The following ZMIZ1 variants were observed in gnomAD, a reference collection of about 807,000 sequenced individuals.
The protein encoded by ZMIZ1 is zinc finger MIZ-type containing 1.
ZMIZ1 carries 17 observed loss-of-function variants against 113.9 expected under a neutral mutation model. That is an observed-to-expected ratio of 0.15 (90% confidence interval 0.10 to 0.22). The LOEUF is 0.22. Among genes scored for constraint, ZMIZ1 ranks in the 10% least tolerant of loss-of-function variants. The pLI is 1.00. For missense variants in ZMIZ1, 1,059 were observed against 1,477.8 expected (o/e 0.72, Z 4.65); for synonymous variants, 607 against 603.1 (o/e 1.01, Z -0.09).
intron 6 of ZMIZ1, among the ~76,000 whole-genome samples, chr10:79,213,512 G>A (rs1451932661): frequency 1.3e-5 from 2 of 152,216 alleles, no homozygotes; most frequent in Non-Finnish European, 2.9e-5. Context: ...GAGACTCCCT[G>A]CTCCAGCACC....
intron 4 of ZMIZ1, among the ~76,000 whole-genome samples, chr10:79,189,053 A>G (rs1222582026): frequency 6.6e-6 from 1 of 152,202 alleles, no homozygotes; most frequent in East Asian, 1.9e-4. Context: ...TCTTTATTAG[A>G]GATGGTGCCC....
At chr10:79,177,574 A>C (rs1846926492) in intron 4 of ZMIZ1, among the ~76,000 whole-genome samples, 1 of 152,210 alleles carries the variant, frequency 6.6e-6, no homozygotes, top group Non-Finnish European at 1.5e-5. Context: ...AAGGGAAGGC[A>C]GACCCGGACC....
intron 3 of ZMIZ1, among the ~76,000 whole-genome samples, chr10:79,145,307 TC>T (rs1358403345): frequency 8.5e-5 from 13 of 152,130 alleles, no homozygotes; most frequent in Admixed American, 8.5e-4. Flanking sequence ...TCCCTCCTCC[TC>T]CACAGTAGAG....
chr10:79,216,997 C>A (rs932642917), intron 7 of ZMIZ1, among the ~76,000 whole-genome samples: 1 of 152,348 alleles, frequency 6.6e-6, no homozygotes, highest in South Asian at 2.1e-4. Context: ...GCCACAGGCA[C>A]CCTGCTAGCT....
In ZMIZ1 at chr10:79,308,462, G is replaced by T. The variant is rs577817032; in HGVS notation, c.2835+891G>T. On this transcript the variant is annotated intron_variant, in intron 23 of 24. Transcript: ENST00000334512. The stretch of plus-strand genomic sequence containing the variant: ...GCCATCACTGAGCACGTGGCTGGGG[G>T]TCCTGGGCCACACCAGCCAGGGAGA... Among the ~76,000 whole-genome samples, 72 of 152,280 alleles carry T rather than the reference G, an allele frequency of 4.7e-4. 1 individual carries two copies. Among genetic ancestry groups the T allele is most frequent in the South Asian group, 8.3e-4 (4 of 4,830 alleles).
At chr10:79,098,489 C>A (rs183778393) in intron 1 of ZMIZ1, among the ~76,000 whole-genome samples, 1 of 152,272 alleles carries the variant, frequency 6.6e-6, no homozygotes, top group East Asian at 1.9e-4. Flanking sequence ...CCACCTATCT[C>A]GAAGGACTCT....
intron 3 of ZMIZ1, among the ~76,000 whole-genome samples, chr10:79,140,363 TG>T (rs1490501497): frequency 6.6e-6 from 1 of 152,252 alleles, no homozygotes; most frequent in Non-Finnish European, 1.5e-5. Context: ...GGGAAGTTAA[TG>T]GTGCCTGCCA....
chr10:79,270,144 G>C (rs959719752), intron 7 of ZMIZ1, among the ~76,000 whole-genome samples: 13 of 152,220 alleles, frequency 8.5e-5, no homozygotes, highest in African/African-American at 3.1e-4. Flanking sequence ...AGGACCAGCT[G>C]CCCCGGCATC....
chr10:79,212,154 T>G (rs144643177), intron 6 of ZMIZ1, among the ~76,000 whole-genome samples: 9 of 152,072 alleles, frequency 5.9e-5, no homozygotes, highest in African/African-American at 2.2e-4. Flanking sequence ...TTCTTTTTTT[T>G]TTTAATTTTT....
chr10:79,246,169 G>A (rs1242543552), intron 7 of ZMIZ1, among the ~76,000 whole-genome samples: 1 of 152,234 alleles, frequency 6.6e-6, no homozygotes, highest in Non-Finnish European at 1.5e-5. Context: ...CATCCAGCAA[G>A]AGGGTGGCAT....
Position 79,216,277 on chromosome 10 carries a change from A to G in ZMIZ1, c.280+3A>G, listed in dbSNP as rs777858297. On this transcript the variant is annotated splice_donor_region_variant and intron_variant, in intron 7 of 24. Coordinates refer to ENST00000334512, the MANE Select transcript of ZMIZ1 (RefSeq NM_020338.4). Reference sequence around the variant, plus strand: ...CAAGTTCACCCCGAAGTCTGCCGGTAGGTGTCCGTGGGGGACTCTGCGATG... The same window carrying G: ...CAAGTTCACCCCGAAGTCTGCCGGTGGGTGTCCGTGGGGGACTCTGCGATG... The G allele has an allele frequency of 2.5e-6, 4 of 1,587,198 alleles. No homozygotes were observed. The South Asian group carries it at 4.6e-5, about 18-fold the overall frequency.
intron 7 of ZMIZ1, among the ~76,000 whole-genome samples, chr10:79,221,676 G>T (rs1313018440): frequency 6.6e-6 from 1 of 152,230 alleles, no homozygotes; most frequent in Non-Finnish European, 1.5e-5. Context: ...CCATGTCGAG[G>T]TCCCCAAGAG....
At chr10:79,143,661 CATA>C (rs1177424449) in intron 3 of ZMIZ1, among the ~76,000 whole-genome samples, 1 of 152,072 alleles carries the variant, frequency 6.6e-6, no homozygotes, top group Non-Finnish European at 1.5e-5. Context: ...CACCTTCCAG[CATA>C]ACAGTGAGCA....
intron 4 of ZMIZ1, among the ~76,000 whole-genome samples, chr10:79,187,227 A>G (rs1847385926): frequency 6.6e-6 from 1 of 152,250 alleles, no homozygotes; most frequent in Non-Finnish European, 1.5e-5. Flanking sequence ...CATGGAGTCC[A>G]GGGTCTGAGC....
At chr10:79,129,089 G>A (rs1329504164) in intron 2 of ZMIZ1, among the ~76,000 whole-genome samples, 3 of 152,160 alleles carry the variant, frequency 2.0e-5, no homozygotes, top group African/African-American at 7.2e-5. Context: ...GCCACCTGCC[G>A]TTTGTTTAAT....
At chr10:79,242,608 C>T (rs1043992461) in intron 7 of ZMIZ1, among the ~76,000 whole-genome samples, 1 of 151,690 alleles carries the variant, frequency 6.6e-6, no homozygotes, top group Admixed American at 6.5e-5. Context: ...TCCTCCACCC[C>T]CTCCCCGCCG....
Position 79,221,266 on chromosome 10 carries a change from ATGCGTGTGTGTGTG to A in ZMIZ1, c.280+5006_280+5019del, listed in dbSNP as rs532024946. On this transcript the variant is annotated intron_variant, in intron 7 of 24. Transcript: ENST00000334512. The stretch of plus-strand genomic sequence containing the variant: ...CACGTGTGTGCATGTGCGTGCATGC[ATGCGTGTGTGTGTG>A]TGCGTGTGTGTGTCCTGGGAGAGTG... Among the ~76,000 whole-genome samples the A allele has an allele frequency of 8.3e-3, 1,267 of 152,190 alleles. 11 individuals are homozygous for A. Among genetic ancestry groups the A allele is most frequent in the Non-Finnish European group, 0.011 (772 of 67,988 alleles).
intron 1 of ZMIZ1, among the ~76,000 whole-genome samples, chr10:79,104,950 G>GGTGTGT (rs58453718): frequency 0.019 from 2,710 of 140,156 alleles, 28 homozygotes; most frequent in Non-Finnish European, 0.026. Context: ...GTTGTTGTGG[G>GGTGTGT]GTGTGTGTGT....
intron 1 of ZMIZ1, among the ~76,000 whole-genome samples, chr10:79,083,071 C>T (rs1842709204): frequency 6.6e-6 from 1 of 152,234 alleles, no homozygotes; most frequent in Non-Finnish European, 1.5e-5. Context: ...TGACAGGGGC[C>T]CTGCTTACAT....
Sources: allele counts gnomAD v4.1 joint callset (sites outside exome capture counted in the v4.1 genomes callset), GRCh38; gene constraint gnomAD v4.1.1; transcripts MANE v1.5; gene names NCBI Gene and HGNC (gene_info 2026-07-23, HGNC 2026-07-21).